The following MON1A variants were observed in gnomAD, a reference collection of about 807,000 sequenced individuals.
MON1A encodes the protein vacuolar fusion protein MON1 homolog A.
A neutral mutation model predicts 44.6 loss-of-function variants in MON1A; 29 were observed. That is an observed-to-expected ratio of 0.65 (90% confidence interval 0.48 to 0.89). MON1A has a LOEUF of 0.89. Ranked by LOEUF, MON1A falls within the 40% of genes least tolerant of loss-of-function variation. The pLI is 0.00. For synonymous variants in MON1A, 275 were observed against 316.4 expected, an observed-to-expected ratio of 0.87 and a Z score of 1.39; for missense variants, 615 against 759.6, an observed-to-expected ratio of 0.81 and a Z score of 2.24.
At chr3:49,912,255 T>C (rs2082895353) in intron 2 of MON1A, 1 of 461,154 alleles carries the variant, frequency 2.2e-6, no homozygotes. Context: ...GGTATCTGCC[T>C]ACCTCTCATT....
chr3:49,917,893 A>G (rs1166551279), intron 1 of MON1A, among the ~76,000 whole-genome samples: 1 of 151,944 alleles, frequency 6.6e-6, no homozygotes, highest in Non-Finnish European at 1.5e-5. Context: ...CTAAAAATAC[A>G]AAAAATTAGC....
chr3:49,913,658 G>GTTTTTTTTTTTTTTTTTTTT (rs1559493127), intron 1 of MON1A, among the ~76,000 whole-genome samples: 25 of 121,482 alleles, frequency 2.1e-4, no homozygotes, highest in African/African-American at 4.8e-4. Flanking sequence ...TTTCCTTCTA[G>GTTTTTTTTTTTTTTTTTTTT]TATTTTTTTT....
At chr3:49,920,756 T>G (rs2082988741) in intron 1 of MON1A, 1 of 151,754 alleles carries the variant, frequency 6.6e-6, no homozygotes, top group South Asian at 2.1e-4. Flanking sequence ...GAGAATTGTT[T>G]GAATGTGGGA....
At position 49,909,688 on chromosome 3, in the gene MON1A, C is replaced by G; in HGVS notation, c.1380-288G>C. 1 of 420,130 alleles carries G rather than the reference C, an allele frequency of 2.4e-6. No individual in the cohort carries two copies. Among genetic ancestry groups the G allele is most frequent in the African/African-American group, 2.0e-5 (1 of 50,396 alleles). 26.0% of individuals were successfully genotyped at this position (420,130 alleles called of 1,614,324 possible). On this transcript the variant is annotated intron_variant, in intron 4 of 5. Coordinates refer to ENST00000296473, the MANE Select transcript of MON1A (RefSeq NM_032355.4). The surrounding 1 kb of genome is among the most constrained non-coding windows in gnomAD (Gnocchi z 4.0). ...AGTTTAGATGTCCAAGACAGAGTGA[C>G]AGATCTGGAGTAGAGGAAAGGTGAG...
At chr3:49,927,068 C>T (rs570268924) in intron 1 of MON1A, among the ~76,000 whole-genome samples, 2 of 152,248 alleles carry the variant, frequency 1.3e-5, no homozygotes, top group African/African-American at 2.4e-5. Flanking sequence ...CATGAGCCAC[C>T]GCGCCCAGCT....
chr3:49,919,399 T>C (rs1262798811), intron 1 of MON1A, among the ~76,000 whole-genome samples: 1 of 152,174 alleles, frequency 6.6e-6, no homozygotes, highest in Non-Finnish European at 1.5e-5. Flanking sequence ...GCAAATAATA[T>C]TTGGAGTTTG....
intron 1 of MON1A, among the ~76,000 whole-genome samples, chr3:49,925,609 C>T (rs1353078488): frequency 6.6e-6 from 1 of 152,092 alleles, no homozygotes; most frequent in Non-Finnish European, 1.5e-5. Flanking sequence ...TGGGGCAGCT[C>T]ATGCCTGTAG....
chr3:49,918,632 A>G lies in MON1A; in HGVS notation c.-13-5273T>C, dbSNP rs1215040288. On this transcript the variant is annotated intron_variant, in intron 1 of 5. Transcript: ENST00000296473. Reference sequence around the variant, plus strand: ...TTACCATGTTGGCCAGGCTGGTCTCAAACTCCTGACCTCAAATGATCCACC... The same window carrying G: ...TTACCATGTTGGCCAGGCTGGTCTCGAACTCCTGACCTCAAATGATCCACC... Among the ~76,000 whole-genome samples, 72 of 151,850 alleles carry G rather than the reference A, an allele frequency of 4.7e-4. 1 individual carries two copies. The highest frequency in any genetic ancestry group is 7.4e-5 in the Non-Finnish European group (5 of 67,908).
In MON1A at chr3:49,911,559, C is replaced by A; in HGVS notation, c.580G>T (p.Ala194Ser). The A allele has an allele frequency of 6.2e-7, 1 of 1,613,136 alleles. No individual in the cohort carries two copies. Among genetic ancestry groups the A allele is most frequent in the Non-Finnish European group, 8.5e-7 (1 of 1,179,398 alleles). ...ATGGAGCGGATGGCGTTCTTGTCTG[C>A]CTCCAGGAAGGACACCAGGGCCACC... ...VMVALVSFLE[A>S]DKNAIRSIHA... Residue 194 changes from alanine to serine, a missense_variant, in exon 3 of 6, where the codon GCA (alanine) becomes TCA (serine). By Grantham distance (99) the Ala-to-Ser change is moderately conservative. Coordinates refer to ENST00000296473, the MANE Select transcript of MON1A (RefSeq NM_032355.4). This position sits in a 1 kb window ranked among gnomAD's most constrained non-coding sequence, Gnocchi z 5.7.
At position 49,910,422 on chromosome 3, in the gene MON1A, C is replaced by A; in HGVS notation, c.1076G>T (p.Arg359Leu). 2 of 1,614,210 alleles carry A rather than the reference C, an allele frequency of 1.2e-6. No individual in the cohort carries two copies. Among genetic ancestry groups the A allele is most frequent in the Non-Finnish European group, 1.7e-6 (2 of 1,180,038 alleles). ...CACGGGCGTCCAGGCCTCGCCCTCG[C>A]GAAAGGACGAGGAGGAACTAATGAG... ...FNLISSSSSF[R>L]EGEAWTPVCL... Residue 359 changes from arginine to leucine, a missense_variant, in exon 4 of 6, where the codon CGC becomes CTC. Arg to Leu is a moderately radical substitution (Grantham distance 102). Transcript: ENST00000296473. This position sits in a 1 kb window ranked among gnomAD's most constrained non-coding sequence, Gnocchi z 8.0.
intron 1 of MON1A, among the ~76,000 whole-genome samples, chr3:49,922,821 C>T (rs2083013296): frequency 6.6e-6 from 1 of 151,544 alleles, no homozygotes; most frequent in South Asian, 2.1e-4. Context: ...AGGCAATTCT[C>T]GTGCCTCAGC....
chr3:49,924,336 T>C (rs2083030907), intron 1 of MON1A, among the ~76,000 whole-genome samples: 1 of 152,192 alleles, frequency 6.6e-6, no homozygotes, highest in South Asian at 2.1e-4. Context: ...CATACTCCCT[T>C]TCCACACTGA....
At chr3:49,913,405 C>T (rs369738854) in intron 1 of MON1A, 46 bp from the exon 2 acceptor site, 4 of 1,572,064 alleles carry the variant, frequency 2.5e-6, no homozygotes, top group Non-Finnish European at 3.5e-6. Context: ...GGCAGGGTCA[C>T]AGGCATAATC....
rs1225601282 is a variant in MON1A at position 49,911,139 on chromosome 3, C to A, written c.614-255G>T. On this transcript the variant is annotated intron_variant, in intron 3 of 5. Coordinates refer to ENST00000296473, the MANE Select transcript of MON1A (RefSeq NM_032355.4). This position sits in a 1 kb window ranked among gnomAD's most constrained non-coding sequence, Gnocchi z 5.7. ...TTATGCTAAGTGCTAAGTCAACTGG[C>A]AACTGGCAAGGGCTGGCTGGGTGGA... Among the ~76,000 whole-genome samples the A allele has an allele frequency of 6.8e-6, 1 of 146,428 alleles. No homozygotes were observed. The highest frequency in any genetic ancestry group is 1.5e-5 in the Non-Finnish European group (1 of 66,560).
Position 49,911,398 on chromosome 3 carries a change from G to C in MON1A, c.613+128C>G, listed in dbSNP as rs1392415883. 3.7e-6 allele frequency: 5 copies of C among 1,362,888 alleles called. No homozygotes were observed. Among genetic ancestry groups the C allele is most frequent in the Non-Finnish European group, 4.9e-6 (5 of 1,011,956 alleles). 84.4% of individuals were successfully genotyped at this position (1,362,888 alleles called of 1,614,324 possible). ...GTTCAGGTGAGGACCTTGAAGCTCA[G>C]AGAGGTAGAGGGACTTACCCTCAGT... On this transcript the variant is annotated intron_variant, in intron 3 of 5. Transcript: ENST00000296473. The surrounding 1 kb of genome is among the most constrained non-coding windows in gnomAD (Gnocchi z 5.7).
Position 49,911,638 on chromosome 3 carries a change from A to G in MON1A, c.501T>C (p.Pro167=), listed in dbSNP as rs868891. ...CCTCAGACCCATAGCGGGAGTACAC[A>G]GGCTTCCCTGCCTCACTCAGCACAA... ...HVFVLSEAGK[P]VYSRYGSEEA... The change falls in exon 3 of 6, where the codon CCT becomes CCC. Residue 167 remains proline, a synonymous_variant. Coordinates refer to ENST00000296473, the MANE Select transcript of MON1A (RefSeq NM_032355.4). This position sits in a 1 kb window ranked among gnomAD's most constrained non-coding sequence, Gnocchi z 5.7. 0.38 allele frequency: 619,334 copies of G among 1,613,916 alleles called. 125,202 individuals are homozygous for G. Among genetic ancestry groups the G allele is most frequent in the Non-Finnish European group, 0.43 (506,002 of 1,179,930 alleles).
chr3:49,918,193 C>A (rs2082964441), intron 1 of MON1A, among the ~76,000 whole-genome samples: 1 of 151,832 alleles, frequency 6.6e-6, no homozygotes, highest in African/African-American at 2.4e-5. Context: ...AAAAATTAGC[C>A]AGGTGTGGTG....
Position 49,911,388 on chromosome 3 carries a change from T to C in MON1A, c.613+138A>G. The C allele has an allele frequency of 7.6e-7, 1 of 1,320,976 alleles. No individual in the cohort carries two copies. The highest frequency in any genetic ancestry group is 1.0e-6 in the Non-Finnish European group (1 of 976,350). 81.8% of individuals were successfully genotyped at this position (1,320,976 alleles called of 1,614,324 possible). The stretch of plus-strand genomic sequence containing the variant: ...GTTATCTTCTGTTCAGGTGAGGACC[T>C]TGAAGCTCAGAGAGGTAGAGGGACT... On this transcript the variant is annotated intron_variant, in intron 3 of 5. Coordinates refer to ENST00000296473, the MANE Select transcript of MON1A (RefSeq NM_032355.4). This position sits in a 1 kb window ranked among gnomAD's most constrained non-coding sequence, Gnocchi z 5.7.
Position 49,909,755 on chromosome 3 carries a change from T to C in MON1A, c.1380-355A>G, listed in dbSNP as rs1188255970. The C allele has an allele frequency of 2.0e-5, 7 of 344,586 alleles. No individual in the cohort carries two copies. Among genetic ancestry groups the C allele is most frequent in the Admixed American group, 1.3e-4 (3 of 22,882 alleles). The allele number at this position is 344,586 out of a possible 1,614,324, so 21.3% of individuals were successfully genotyped here. ...CCAAAAGGGACAAAGGGAGGCCATA[T>C]CTTCCCAGCCCCTCTGCTGGGGGAG... On this transcript the variant is annotated intron_variant, in intron 4 of 5. Transcript: ENST00000296473. The surrounding 1 kb of genome is among the most constrained non-coding windows in gnomAD (Gnocchi z 4.0).
Sources: gnomAD v4.1 joint callset for allele counts (sites outside exome capture counted in the v4.1 genomes callset) on GRCh38, gnomAD v4.1.1 for gene constraint, Gnocchi (gnomAD v3.1) non-coding constraint, MANE v1.5 for transcripts, NCBI Gene and HGNC (gene_info 2026-07-23, HGNC 2026-07-21) for gene names.